Variants in PHKG2 observed in about 807,000 individuals in gnomAD.
The protein encoded by PHKG2 is phosphorylase kinase catalytic subunit gamma 2, also known as phosphorylase b kinase gamma catalytic chain, liver/testis isoform.
In PHKG2, 28 loss-of-function variants were observed where a neutral mutation model predicts 44.5. The ratio of observed to expected loss-of-function variants is 0.63; its 90% confidence interval spans 0.47 to 0.86. The LOEUF is 0.86. Ranked by LOEUF, PHKG2 falls within the 40% of genes least tolerant of loss-of-function variation. The pLI, the probability that PHKG2 is intolerant of heterozygous loss-of-function variation, is 0.00. For synonymous variants in PHKG2, 220 were observed against 211.2 expected (o/e 1.04, Z -0.36); for missense variants, 498 against 547.5 (o/e 0.91, Z 0.90).
Position 30,758,859 on chromosome 16 carries a change from C to A in PHKG2, c.*1762C>A. 7.5e-7 allele frequency: 1 copy of A among 1,338,934 alleles called. No individual in the cohort carries two copies. Among genetic ancestry groups the A allele is most frequent in the Non-Finnish European group, 1.0e-6 (1 of 998,340 alleles). 82.9% of individuals were successfully genotyped at this position (1,338,934 alleles called of 1,614,324 possible). A position where few individuals can be genotyped will look rare whatever the true frequency, so the allele number is the denominator to read the frequency against. On this transcript the variant is annotated 3_prime_UTR_variant, in exon 10 of 10. Transcript: ENST00000563588. ...CCACCACGCCTGGCCTGCAGCTGTG[C>A]TTTTATCTGTCATCTTGGACTTCTG...
intron 1 of PHKG2, 137 bp downstream of exon 1, chr16:30,748,627 T>A: frequency 3.7e-5 from 18 of 481,770 alleles, no homozygotes; most frequent in Non-Finnish European, 4.9e-5. Flanking sequence ...CCTGCCATCC[T>A]CCCGCCCCCA....
Position 30,759,881 on chromosome 16 carries a change from C to T in PHKG2, c.*2784C>T, listed in dbSNP as rs2053629019. ...AACTCATGTAACAAATACTGAATAC[C>T]CACTATATGCCCACTGTATGGTTTT... On this transcript the variant is annotated 3_prime_UTR_variant, in exon 10 of 10. Coordinates refer to ENST00000563588, the MANE Select transcript of PHKG2 (RefSeq NM_000294.3). 2.1e-6 allele frequency: 3 copies of T among 1,447,148 alleles called. No homozygotes were observed. Among genetic ancestry groups the T allele is most frequent in the Non-Finnish European group, 2.7e-6 (3 of 1,103,818 alleles). 89.6% of individuals were successfully genotyped at this position (1,447,148 alleles called of 1,614,324 possible).
Position 30,759,789 on chromosome 16 carries a change from A to G in PHKG2, c.*2692A>G. The stretch of plus-strand genomic sequence containing the variant: ...GGTATCCATTCATTCACTTCACTCA[A>G]CAGCTGTTTATGACCATGAGCTTCA... On this transcript the variant is annotated 3_prime_UTR_variant, in exon 10 of 10. Transcript: ENST00000563588. 6.5e-7 allele frequency: 1 copy of G among 1,543,762 alleles called. No individual in the cohort carries two copies. Among genetic ancestry groups the G allele is most frequent in the African/African-American group, 1.4e-5 (1 of 72,700 alleles).
At chr16:30,749,204 G>GGTGTGTGTGT (rs147345160) in intron 2 of PHKG2, among the ~76,000 whole-genome samples, 35 of 91,950 alleles carry the variant, frequency 3.8e-4, no homozygotes, top group Non-Finnish European at 6.6e-4. Context: ...TGCTGGTGGT[G>GGTGTGTGTGT]GTGTGTGTGT....
At chr16:30,748,688 AC>A in intron 1 of PHKG2, 114 bp from the exon 2 acceptor site, 1 of 186,016 alleles carries the variant, frequency 5.4e-6, no homozygotes, top group Non-Finnish European at 1.1e-5. Context: ...ACCCCCCCCC[AC>A]CCCCCAGGAC....
chr16:30,760,447 C>CA lies in PHKG2; in HGVS notation c.*3351dup. On this transcript the variant is annotated 3_prime_UTR_variant, in exon 10 of 10. Coordinates refer to ENST00000563588, the MANE Select transcript of PHKG2 (RefSeq NM_000294.3). ...GACACCCTAGCTCCAGCAGCTCAGC[C>CA]AGCACCCTTGGGAGGGAGAGAGGAG... 1.9e-6 allele frequency: 3 copies of CA among 1,614,094 alleles called. No individual in the cohort carries two copies. The highest frequency in any genetic ancestry group is 1.7e-6 in the Non-Finnish European group (2 of 1,179,974).
Position 30,760,037 on chromosome 16 carries a change from T to C in PHKG2, c.*2940T>C, listed in dbSNP as rs2053643444. 2 of 1,504,060 alleles carry C rather than the reference T, an allele frequency of 1.3e-6. No homozygotes were observed. The highest frequency in any genetic ancestry group is 2.2e-5 in the Admixed American group (1 of 45,966). 93.2% of individuals were successfully genotyped at this position (1,504,060 alleles called of 1,614,324 possible). On this transcript the variant is annotated 3_prime_UTR_variant, in exon 10 of 10. Transcript: ENST00000563588. ...GCTATTAAACATTCTAAAGCAGGTGTTATTGTGCACTATGCATATATTTGC... is the reference window on the plus strand; with the variant it reads ...GCTATTAAACATTCTAAAGCAGGTGCTATTGTGCACTATGCATATATTTGC...
At chr16:30,748,737 C>A in intron 1 of PHKG2, 66 bp from the exon 2 acceptor site, 1 of 863,184 alleles carries the variant, frequency 1.2e-6, no homozygotes, top group Non-Finnish European at 1.8e-6. Context: ...CCCCCGGGAG[C>A]CGCCATGCGG....
rs1468622381 is a variant in PHKG2 at position 30,756,598 on chromosome 16, G to A, written c.810G>A (p.Arg270=). The A allele has an allele frequency of 6.2e-7, 1 of 1,613,840 alleles. No individual in the cohort carries two copies. ...RSSTVKDLIS[R]LLQVDPEARL... ...CTCTGGGTCTCTCCTAGATCTCCAG[G>A]CTGCTGCAGGTGGATCCTGAGGCAC... Residue 270 remains arginine, a synonymous_variant, in exon 9 of 10, where the codon AGG becomes AGA. Coordinates refer to ENST00000563588, the MANE Select transcript of PHKG2 (RefSeq NM_000294.3).
intron 3 of PHKG2, 113 bp downstream of exon 3, chr16:30,751,394 C>T (rs764274857): frequency 7.4e-7 from 1 of 1,348,310 alleles, no homozygotes; most frequent in Non-Finnish European, 1.1e-6. Flanking sequence ...CTTCATTCCA[C>T]TAAAGAGTGG....
At chr16:30,748,541 C>T (rs1417404744) in intron 1 of PHKG2, 51 bp downstream of exon 1, 2 of 528,128 alleles carry the variant, frequency 3.8e-6, no homozygotes, top group Admixed American at 6.7e-5. Context: ...CCGAATGCGC[C>T]TGCGCGGCAA....
chr16:30,748,926 G>C lies in PHKG2; in HGVS notation c.95+11G>C. 1 of 1,548,414 alleles carries C rather than the reference G, an allele frequency of 6.5e-7. No homozygotes were observed. On this transcript the variant is annotated intron_variant, in intron 2 of 9. Transcript: ENST00000563588. ...GGACGTCATCGGCAGGTAAGGCCGC[G>C]GCCAGGGAAACGGAGGTCCAAAGAG...
In PHKG2 at chr16:30,759,938, C is replaced by T; in HGVS notation, c.*2841C>T. ...TGAACAAGACAGACAAGGTCCTGCC[C>T]TTACGAAGCTTATATTCTAGGGGAA... is the stretch of plus-strand genomic sequence containing the variant. On this transcript the variant is annotated 3_prime_UTR_variant, in exon 10 of 10. Transcript: ENST00000563588. 6.9e-7 allele frequency: 1 copy of T among 1,441,842 alleles called. No individual in the cohort carries two copies. Among genetic ancestry groups the T allele is most frequent in the South Asian group, 1.5e-5 (1 of 67,002 alleles). The allele number at this position is 1,441,842 out of a possible 1,614,324, so 89.3% of individuals were successfully genotyped here. A position where few individuals can be genotyped will look rare whatever the true frequency, so the allele number is the denominator to read the frequency against.
chr16:30,751,721 C>T (rs920587893), intron 4 of PHKG2, 118 bp downstream of exon 4: 6 of 897,014 alleles, frequency 6.7e-6, no homozygotes, highest in South Asian at 2.6e-5. Flanking sequence ...CCAGCTGGGG[C>T]TCTCTATCAC....
chr16:30,756,643 C>T lies in PHKG2; in HGVS notation c.855C>T (p.Ala285=), dbSNP rs762828840. ...AGGCACGCCTGACAGCTGAGCAGGCCCTACAGCACCCCTTCTTTGAGCGTT... is the reference window on the plus strand; with the variant it reads ...AGGCACGCCTGACAGCTGAGCAGGCTCTACAGCACCCCTTCTTTGAGCGTT... ...DPEARLTAEQ[A]LQHPFFERCE... is the part of the protein sequence containing the mutation. Residue 285 remains alanine, a synonymous_variant, in exon 9 of 10, where the codon GCC becomes GCT. Transcript: ENST00000563588. 2 of 1,614,074 alleles carry T rather than the reference C, an allele frequency of 1.2e-6. No individual in the cohort carries two copies. Among genetic ancestry groups the T allele is most frequent in the Non-Finnish European group, 1.7e-6 (2 of 1,180,028 alleles).
Position 30,756,286 on chromosome 16 carries a change from C to T in PHKG2, c.647+14C>T, listed in dbSNP as rs1442474296. The stretch of plus-strand genomic sequence containing the variant: ...GGAGGTCGACCTGTGAGTTCCTGGT[C>T]TCCCCCTCCCTCCCGTGCTTGCTGT... On this transcript the variant is annotated intron_variant, in intron 7 of 9. Transcript: ENST00000563588. The T allele has an allele frequency of 1.2e-6, 2 of 1,613,858 alleles. No individual in the cohort carries two copies. Among genetic ancestry groups the T allele is most frequent in the Non-Finnish European group, 1.7e-6 (2 of 1,179,850 alleles).
At position 30,758,970 on chromosome 16, in the gene PHKG2, T is replaced by C; in HGVS notation, c.*1873T>C. 6.2e-7 allele frequency: 1 copy of C among 1,612,012 alleles called. No homozygotes were observed. Among genetic ancestry groups the C allele is most frequent in the Non-Finnish European group, 8.5e-7 (1 of 1,179,074 alleles). On this transcript the variant is annotated 3_prime_UTR_variant, in exon 10 of 10. Coordinates refer to ENST00000563588, the MANE Select transcript of PHKG2 (RefSeq NM_000294.3). ...TCATCCAAACCCTTCATTCTACACCTGCTCAGAGGGACAGGGCAGCCTGCC... is the reference window on the plus strand; with the variant it reads ...TCATCCAAACCCTTCATTCTACACCCGCTCAGAGGGACAGGGCAGCCTGCC...
At chr16:30,750,881 ACCCAGG>A (rs2053334899) in intron 2 of PHKG2, among the ~76,000 whole-genome samples, 1 of 152,136 alleles carries the variant, frequency 6.6e-6, no homozygotes, top group African/African-American at 2.4e-5. Context: ...CTGGATTTGA[ACCCAGG>A]CCCTACCTGC....
At chr16:30,749,280 CTGTGTGTG>C (rs66820167) in intron 2 of PHKG2, among the ~76,000 whole-genome samples, 1 of 147,562 alleles carries the variant, frequency 6.8e-6, no homozygotes, top group African/African-American at 2.6e-5. Flanking sequence ...GTGTGTGTGT[CTGTGTGTG>C]TGTGTGTGTC....
Sources: gnomAD v4.1 joint callset for allele counts (sites outside exome capture counted in the v4.1 genomes callset) on GRCh38, gnomAD v4.1.1 for gene constraint, MANE v1.5 for transcripts, NCBI Gene and HGNC (gene_info 2026-07-23, HGNC 2026-07-21) for gene names.